The following RSRC1 variants were observed in gnomAD, a reference collection of about 807,000 sequenced individuals.
RSRC1 encodes serine/Arginine-related protein 53.
In RSRC1, 39 loss-of-function variants were observed where a neutral mutation model predicts 49.1. The observed-to-expected ratio is 0.79, with a 90% CI of 0.61 to 1.04. The LOEUF is 1.04. RSRC1 is among the 50% of genes least tolerant of loss of function. The probability of loss-of-function intolerance (pLI) is 0.00; values close to 1 mark genes in which losing one functional copy is unlikely to be tolerated. For missense variants in RSRC1, 388 were observed against 402.4 expected, an observed-to-expected ratio of 0.96 and a Z score of 0.31; for synonymous variants, 143 against 130.8, an observed-to-expected ratio of 1.09 and a Z score of -0.63.
intron 6 of RSRC1, among the ~76,000 whole-genome samples, chr3:158,388,073 T>G (rs183904313): frequency 4.6e-5 from 7 of 152,222 alleles, no homozygotes; most frequent in Non-Finnish European, 7.4e-5. Context: ...TTAGAAAAAC[T>G]TATTTACCTA....
intron 7 of RSRC1, among the ~76,000 whole-genome samples, chr3:158,516,935 G>A (rs944755607): frequency 6.6e-5 from 10 of 152,208 alleles, no homozygotes; most frequent in Non-Finnish European, 8.8e-5. Context: ...AAGTGAGGCA[G>A]TGCCTCGCCC....
At chr3:158,265,116 TCTC>T (rs2108043084) in intron 4 of RSRC1, among the ~76,000 whole-genome samples, 1 of 152,334 alleles carries the variant, frequency 6.6e-6, no homozygotes, top group Admixed American at 6.5e-5. Context: ...CTACTTGAGT[TCTC>T]CTCTGTTGCA....
At chr3:158,401,922 T>C (rs1560026772) in intron 6 of RSRC1, among the ~76,000 whole-genome samples, 1 of 151,866 alleles carries the variant, frequency 6.6e-6, no homozygotes, top group Non-Finnish European at 1.5e-5. Context: ...GTGTGAAATA[T>C]GTGGAAATGA....
intron 3 of RSRC1, among the ~76,000 whole-genome samples, chr3:158,127,535 ATT>A (rs1177614709): frequency 6.6e-6 from 1 of 150,434 alleles, no homozygotes; most frequent in Non-Finnish European, 1.5e-5. Flanking sequence ...TTTTTATGTA[ATT>A]TCTCTTTGTT....
At chr3:158,358,915 T>TAC (rs1264618105) in intron 6 of RSRC1, among the ~76,000 whole-genome samples, 79 of 93,834 alleles carry the variant, frequency 8.4e-4, no homozygotes, top group African/African-American at 3.3e-3. Flanking sequence ...TATATATATA[T>TAC]ACACACAAAC....
chr3:158,297,966 C>T (rs1727330426), intron 4 of RSRC1, 73 bp from the exon 5 acceptor site: 1 of 1,083,552 alleles, frequency 9.2e-7, no homozygotes, highest in African/African-American at 1.6e-5. Context: ...GTTTATAAAA[C>T]ATTTTTGAGG....
chr3:158,202,754 A>T (rs827802), intron 3 of RSRC1, among the ~76,000 whole-genome samples: 3 of 150,982 alleles, frequency 2.0e-5, no homozygotes, highest in African/African-American at 7.3e-5. Context: ...AGAGAAAAGG[A>T]AAGCCTTATT....
intron 3 of RSRC1, among the ~76,000 whole-genome samples, chr3:158,195,021 G>A (rs1034050960): frequency 6.6e-6 from 1 of 152,156 alleles, no homozygotes; most frequent in African/African-American, 2.4e-5. Flanking sequence ...CCAGTAATGG[G>A]ATGGCTGGGT....
chr3:158,207,662 T>TAGATAGATAGATAGACAGACAGAC (rs55689613), intron 4 of RSRC1, among the ~76,000 whole-genome samples: 2 of 148,948 alleles, frequency 1.3e-5, no homozygotes, highest in African/African-American at 4.9e-5. Context: ...GATAGATAGA[T>TAGATAGATAGATAGACAGACAGAC]AGACAGAGAG....
At chr3:158,257,422 T>G (rs545066635) in intron 4 of RSRC1, among the ~76,000 whole-genome samples, 1 of 152,318 alleles carries the variant, frequency 6.6e-6, no homozygotes, top group African/African-American at 2.4e-5. Flanking sequence ...TAGGTTTTGT[T>G]TAGAAATCGA....
chr3:158,164,575 C>T (rs771391561), intron 3 of RSRC1, among the ~76,000 whole-genome samples: 3 of 151,528 alleles, frequency 2.0e-5, no homozygotes, highest in African/African-American at 7.3e-5. Flanking sequence ...TACTTTGTGG[C>T]GCAGAATTAT....
chr3:158,459,289 G>A (rs1053425719), intron 6 of RSRC1, among the ~76,000 whole-genome samples: 1 of 152,108 alleles, frequency 6.6e-6, no homozygotes, highest in African/African-American at 2.4e-5. Context: ...GGATAAACTA[G>A]CATAGTGAAA....
chr3:158,243,154 T>G (rs1723690888), intron 4 of RSRC1, among the ~76,000 whole-genome samples: 1 of 152,212 alleles, frequency 6.6e-6, no homozygotes, highest in Admixed American at 6.5e-5. Flanking sequence ...ATCACCTAGG[T>G]TTTCTTCTGA....
At chr3:158,283,639 T>A (rs943697907) in intron 4 of RSRC1, among the ~76,000 whole-genome samples, 5 of 152,196 alleles carry the variant, frequency 3.3e-5, no homozygotes, top group African/African-American at 1.2e-4. Flanking sequence ...TATTGGGCAT[T>A]TAGTTCTCAG....
rs1250426204 is a variant in RSRC1 at position 158,472,361 on chromosome 3, A to AAATAC, written c.652+11361_652+11365dup. Among the ~76,000 whole-genome samples, 7 of 152,308 alleles carry AAATAC rather than the reference A, an allele frequency of 4.6e-5. No homozygotes were observed. The East Asian group carries it at 1.3e-3, about 29-fold the overall frequency. ...CAACTTCTAAAGCATCATGTTTTTT[A>AAATAC]AATACAAAACATACAAGAGGTATAT... is the stretch of plus-strand genomic sequence containing the variant. On this transcript the variant is annotated intron_variant, in intron 7 of 9. Transcript: ENST00000611884.
At chr3:158,116,985 G>A (rs567687243) in intron 1 of RSRC1, among the ~76,000 whole-genome samples, 1 of 152,162 alleles carries the variant, frequency 6.6e-6, no homozygotes, top group East Asian at 1.9e-4. Flanking sequence ...CATGAAAAGG[G>A]GAGAGTGTGG....
chr3:158,149,575 C>T (rs992934153), intron 3 of RSRC1, among the ~76,000 whole-genome samples: 2 of 151,978 alleles, frequency 1.3e-5, no homozygotes, highest in Non-Finnish European at 2.9e-5. Context: ...TTCACTTATT[C>T]GTATTTGAGG....
At chr3:158,232,226 T>G (rs1028385451) in intron 4 of RSRC1, among the ~76,000 whole-genome samples, 3 of 115,856 alleles carry the variant, frequency 2.6e-5, no homozygotes, top group African/African-American at 1.0e-4. Context: ...GTGATTTATA[T>G]TTACTTTAAA....
At chr3:158,438,325 G>A (rs1736165374) in intron 6 of RSRC1, among the ~76,000 whole-genome samples, 1 of 152,124 alleles carries the variant, frequency 6.6e-6, no homozygotes. Context: ...CTACTTTAGA[G>A]TTCATATGGA....
Sources: allele counts gnomAD v4.1 joint callset (sites outside exome capture counted in the v4.1 genomes callset), GRCh38; gene constraint gnomAD v4.1.1; transcripts MANE v1.5; gene names NCBI Gene and HGNC (gene_info 2026-07-23, HGNC 2026-07-21).